The following RET variants were observed in gnomAD, a reference collection of about 807,000 sequenced individuals.
RET encodes the protein proto-oncogene tyrosine-protein kinase receptor Ret.
RET carries 19 observed loss-of-function variants against 118.3 expected under a neutral mutation model. The observed-to-expected ratio is 0.16, with a 90% CI of 0.11 to 0.24. RET has a LOEUF of 0.24. Among genes scored for constraint, RET ranks in the 10% least tolerant of loss-of-function variants. The pLI is 1.00. For missense variants in RET, 1,219 were observed against 1,502.1 expected, an observed-to-expected ratio of 0.81 and a Z score of 3.12; for synonymous variants, 597 against 644.1, an observed-to-expected ratio of 0.93 and a Z score of 1.11.
chr10:43,111,987 C>T (rs2132792256), intron 7 of RET, 112 bp from the exon 8 acceptor site: 1 of 1,470,920 alleles, frequency 6.8e-7, no homozygotes, highest in South Asian at 1.2e-5. Flanking sequence ...CTCCGGTCCC[C>T]TTGGGCTCCA....
intron 1 of RET, among the ~76,000 whole-genome samples, chr10:43,090,342 G>C (rs934722859): frequency 7.9e-5 from 12 of 152,196 alleles, no homozygotes; most frequent in African/African-American, 2.7e-4. Flanking sequence ...TCCAGTAGTG[G>C]CTGCCCGGGA....
At position 43,119,610 on chromosome 10, in the gene RET, T is replaced by C. The variant is rs1261483638; in HGVS notation, c.2472T>C (p.Pro824=). Residue 824 remains proline, a synonymous_variant, in exon 14 of 20, where the codon CCT becomes CCC. Coordinates refer to ENST00000355710, the MANE Select transcript of RET (RefSeq NM_020975.6). The stretch of plus-strand genomic sequence containing the variant: ...TCCGCGAGAGCCGCAAAGTGGGGCC[T>C]GGCTACCTGGGCAGTGGAGGCAGCC... ...GFLRESRKVG[P]GYLGSGGSRN... 1 of 1,612,818 alleles carries C rather than the reference T, an allele frequency of 6.2e-7. No homozygotes were observed. The highest frequency in any genetic ancestry group is 1.1e-5 in the South Asian group (1 of 91,078).
At chr10:43,082,179 G>A (rs1837199744) in intron 1 of RET, among the ~76,000 whole-genome samples, 1 of 152,226 alleles carries the variant, frequency 6.6e-6, no homozygotes, top group South Asian at 2.1e-4. Context: ...CTGGGCAAGA[G>A]CAGGCAGCAA....
At chr10:43,086,192 T>C (rs1837284862) in intron 1 of RET, among the ~76,000 whole-genome samples, 1 of 152,074 alleles carries the variant, frequency 6.6e-6, no homozygotes, top group Non-Finnish European at 1.5e-5. Flanking sequence ...TGCTGCCTCA[T>C]TTTCCTCCTG....
intron 19 of RET, chr10:43,127,037 G>A: frequency 7.8e-7 from 1 of 1,287,678 alleles, no homozygotes; most frequent in East Asian, 3.4e-5. Context: ...CGCTTCTGGG[G>A]TGGGAATCAA....
rs187062273 is a variant in RET at position 43,110,197 on chromosome 10, T to A, written c.1263+967T>A. 2.0e-3 allele frequency among the ~76,000 whole-genome samples: 310 copies of A among 152,284 alleles called. 3 individuals are homozygous for A. Among genetic ancestry groups the A allele is most frequent in the African/African-American group, 7.2e-3 (299 of 41,568 alleles). On this transcript the variant is annotated intron_variant, in intron 6 of 19. Transcript: ENST00000355710. ...GGGGCGGGGCAAGAGCAGGCATTGC[T>A]GAAGTTGGGTCACCTGCCCTCTGTC...
At chr10:43,127,775 C>T (rs1564502425) in intron 19 of RET, among the ~76,000 whole-genome samples, 1 of 152,124 alleles carries the variant, frequency 6.6e-6, no homozygotes, top group Admixed American at 6.5e-5. Context: ...GTTTCCGCTG[C>T]AGTAAGCCAT....
chr10:43,122,700 T>C (rs1236886619), intron 16 of RET, among the ~76,000 whole-genome samples: 1 of 152,174 alleles, frequency 6.6e-6, no homozygotes, highest in African/African-American at 2.4e-5. Context: ...CTCCACCTCC[T>C]GGGTTCAAGC....
At chr10:43,122,892 G>A (rs1224753053) in intron 16 of RET, among the ~76,000 whole-genome samples, 2 of 152,228 alleles carry the variant, frequency 1.3e-5, no homozygotes, top group Non-Finnish European at 2.9e-5. Flanking sequence ...TTACAGGCGA[G>A]AGCCACCACG....
rs1210164099 is a variant in RET at position 43,116,692 on chromosome 10, A to G, written c.2245A>G (p.Arg749Gly). The G allele has an allele frequency of 6.2e-7, 1 of 1,613,604 alleles. No homozygotes were observed. The highest frequency in any genetic ancestry group is 8.5e-7 in the Non-Finnish European group (1 of 1,179,718). The change falls in exon 12 of 20, where the codon AGA (arginine) becomes GGA (glycine). Residue 749 changes from arginine to glycine, a missense_variant. This residue lies in a region of RET where 850 missense variants were observed against 969.6 expected (regional missense o/e 0.88). Transcript: ENST00000355710. The part of the protein sequence containing the change: ...VKATAFHLKG[R>G]AGYTTVAVKM... ...GGCAACGGCCTTCCATCTGAAAGGC[A>G]GAGCAGGGTACACCACGGTGGCCGT...
intron 5 of RET, 25 bp from the exon 6 acceptor site, chr10:43,109,006 G>T: frequency 6.2e-7 from 1 of 1,608,256 alleles, no homozygotes; most frequent in Non-Finnish European, 8.5e-7. Context: ...CAGCTTGGTG[G>T]TCATTGTTGT....
chr10:43,109,965 C>A (rs1050139022), intron 6 of RET, among the ~76,000 whole-genome samples: 2 of 152,216 alleles, frequency 1.3e-5, no homozygotes, highest in African/African-American at 4.8e-5. Context: ...CAGAGCAGCC[C>A]GTGGCGCCTC....
chr10:43,090,748 A>G (rs1837393455), intron 1 of RET, among the ~76,000 whole-genome samples: 1 of 151,502 alleles, frequency 6.6e-6, no homozygotes, highest in Non-Finnish European at 1.5e-5. Context: ...ACCCAGGCGC[A>G]TGCAGCAGTG....
chr10:43,110,888 G>A (rs1250005922), intron 6 of RET, among the ~76,000 whole-genome samples: 1 of 152,190 alleles, frequency 6.6e-6, no homozygotes, highest in Non-Finnish European at 1.5e-5. Flanking sequence ...GGGGAGTAAA[G>A]GGTTGAGTCA....
chr10:43,084,291 G>A (rs1288422710), intron 1 of RET, among the ~76,000 whole-genome samples: 2 of 152,226 alleles, frequency 1.3e-5, no homozygotes, highest in African/African-American at 4.8e-5. Context: ...CCGCCAAACT[G>A]TTTTCCACAG....
chr10:43,105,254 C>A, intron 4 of RET, 61 bp downstream of exon 4: 1 of 1,608,558 alleles, frequency 6.2e-7, no homozygotes, highest in South Asian at 1.1e-5. Flanking sequence ...GTTCGTTTCT[C>A]GGTCGGTTTA....
intron 12 of RET, among the ~76,000 whole-genome samples, chr10:43,117,556 G>C (rs1354565523): frequency 6.6e-6 from 1 of 152,236 alleles, no homozygotes; most frequent in East Asian, 1.9e-4. Context: ...TGGGCAGTGG[G>C]ACAGCTGACC....
At chr10:43,108,616 C>G (rs892064961) in intron 5 of RET, among the ~76,000 whole-genome samples, 4 of 152,032 alleles carry the variant, frequency 2.6e-5, no homozygotes, top group African/African-American at 9.7e-5. Context: ...TCCGGGGACT[C>G]AAGATTTTAG....
chr10:43,119,851 C>A, intron 14 of RET, 106 bp downstream of exon 14: 1 of 1,331,000 alleles, frequency 7.5e-7, no homozygotes, highest in Non-Finnish European at 1.1e-6. Flanking sequence ...CACCATGCCA[C>A]ACTCTAGCCC....
Sources: gnomAD v4.1 joint callset for allele counts (sites outside exome capture counted in the v4.1 genomes callset) on GRCh38, gnomAD v4.1.1 for gene constraint, gnomAD v4.1.1 regional missense constraint, MANE v1.5 for transcripts, NCBI Gene and HGNC (gene_info 2026-07-23, HGNC 2026-07-21) for gene names.